The following PCDH11X variants were observed in gnomAD, a reference collection of about 807,000 sequenced individuals.
PCDH11X encodes the protein protocadherin-11 X-linked.
Under a neutral mutation model 53.3 loss-of-function variants are expected in PCDH11X, and 18 were observed. The observed-to-expected ratio is 0.34, with a 90% CI of 0.23 to 0.50. The LOEUF is 0.50. PCDH11X is among the 20% of genes least tolerant of loss of function. The pLI is 0.98. For synonymous variants in PCDH11X, 279 were observed against 393.3 expected (o/e 0.71, Z 3.44); for missense variants, 570 against 1,032.4 (o/e 0.55, Z 6.14).
At chrX:92,574,987 G>T (rs1391314621) in intron 10 of PCDH11X, among the ~76,000 whole-genome samples, 3 of 110,599 alleles carry the variant, frequency 2.7e-5, no homozygotes, top group Non-Finnish European at 3.8e-5. Context: ...TTATATGACT[G>T]TAAAAGTGCG....
chrX:92,265,830 A>G (rs1368433894), intron 8 of PCDH11X, among the ~76,000 whole-genome samples: 1 of 111,971 alleles, frequency 8.9e-6, no homozygotes, highest in Non-Finnish European at 1.9e-5. Context: ...TAAAACAAAT[A>G]CTTTCTTTAT....
At chrX:92,305,241 T>C (rs1269106278) in intron 8 of PCDH11X, among the ~76,000 whole-genome samples, 1 of 110,578 alleles carries the variant, frequency 9.0e-6, no homozygotes. Flanking sequence ...ATAACAGTTA[T>C]GAGAATTACC....
chrX:91,973,634 A>T (rs1216350904), intron 6 of PCDH11X, among the ~76,000 whole-genome samples: 3 of 81,355 alleles, frequency 3.7e-5, no homozygotes, highest in African/African-American at 9.8e-5. Flanking sequence ...TTTTTTTTTG[A>T]GACAGAGTCT....
intron 7 of PCDH11X, among the ~76,000 whole-genome samples, chrX:92,218,469 T>C (rs1391626430): frequency 3.6e-5 from 4 of 110,825 alleles, no homozygotes; most frequent in Non-Finnish European, 5.7e-5. Flanking sequence ...AATTCCTCCA[T>C]ACATACACCC....
chrX:91,851,906 A>G (rs1938038909), intron 5 of PCDH11X, among the ~76,000 whole-genome samples: 1 of 111,564 alleles, frequency 9.0e-6, no homozygotes, highest in Non-Finnish European at 1.9e-5. Flanking sequence ...ATCTAAGTCA[A>G]AAGCTTTGCT....
At chrX:91,953,201 T>G (rs2061663763) in intron 6 of PCDH11X, among the ~76,000 whole-genome samples, 1 of 110,610 alleles carries the variant, frequency 9.0e-6, no homozygotes, top group South Asian at 3.9e-4. Flanking sequence ...ATTGAATTGT[T>G]TGTATCTCAA....
At chrX:91,981,435 T>A (rs976735276) in intron 6 of PCDH11X, among the ~76,000 whole-genome samples, 12 of 110,560 alleles carry the variant, frequency 1.1e-4, no homozygotes, top group Non-Finnish European at 2.1e-4. Context: ...TCTACAATGA[T>A]GCAGTATCTG....
At chrX:92,301,115 C>A (rs1308566801) in intron 8 of PCDH11X, among the ~76,000 whole-genome samples, 5 of 111,178 alleles carry the variant, frequency 4.5e-5, no homozygotes, top group African/African-American at 1.3e-4. Context: ...GGAGAGGGTG[C>A]AGTTGGGCTG....
chrX:92,583,234 G>T (rs1387883840), intron 10 of PCDH11X, among the ~76,000 whole-genome samples: 1 of 105,628 alleles, frequency 9.5e-6, no homozygotes, highest in Non-Finnish European at 1.9e-5. Flanking sequence ...TGAGTAGCTG[G>T]GATTACAGGC....
At chrX:92,569,740 G>T in intron 10 of PCDH11X, 1 of 245,174 alleles carries the variant, frequency 4.1e-6, no homozygotes, top group South Asian at 4.1e-5. Flanking sequence ...TTCATTGGCC[G>T]GGCACAGTGG....
chrX:92,467,900 T>C (rs1459104713), intron 9 of PCDH11X, among the ~76,000 whole-genome samples: 1 of 111,534 alleles, frequency 9.0e-6, no homozygotes, highest in African/African-American at 3.3e-5. Flanking sequence ...TGTCTTTTCT[T>C]GCTCTACACT....
At chrX:92,254,864 G>C (rs941439060) in intron 7 of PCDH11X, among the ~76,000 whole-genome samples, 1 of 107,825 alleles carries the variant, frequency 9.3e-6, no homozygotes, top group Non-Finnish European at 1.9e-5. Context: ...CTCTCTGGCT[G>C]CCCTTAACAT....
rs755925619 is a variant in PCDH11X, at chrX:92,142,364, G to A, written c.3034-59011G>A. Among the ~76,000 whole-genome samples, 116 of 65,932 alleles carry A rather than the reference G, an allele frequency of 1.8e-3. No homozygotes were observed. In the East Asian group the frequency reaches 0.029, roughly 17 times the overall value. 57.3% of individuals were successfully genotyped at this position (65,932 alleles called of 115,157 possible). A position where few individuals can be genotyped will look rare whatever the true frequency, so the allele number is the denominator to read the frequency against. ...AGAGACAGTTGGTCCATGCATGTGC[G>A]CGCGCGCACACACACACACACACAC... On this transcript the variant is annotated intron_variant, in intron 6 of 10. Coordinates refer to ENST00000682573, the MANE Select transcript of PCDH11X (RefSeq NM_032968.5).
At chrX:92,315,990 T>G (rs1240118966) in intron 8 of PCDH11X, among the ~76,000 whole-genome samples, 11 of 70,883 alleles carry the variant, frequency 1.6e-4, no homozygotes, top group Non-Finnish European at 2.5e-4. Context: ...TCAGATGGAC[T>G]TGGCAAATGA....
chrX:91,907,385 A>ACACC, intron 6 of PCDH11X, among the ~76,000 whole-genome samples: 1 of 54,649 alleles, frequency 1.8e-5, no homozygotes, highest in South Asian at 1.3e-3. Context: ...ACACACACAC[A>ACACC]CACACACACA....
intron 7 of PCDH11X, among the ~76,000 whole-genome samples, chrX:92,236,163 C>T (rs73528426): frequency 0.074 from 8,218 of 110,627 alleles, 622 homozygotes; most frequent in African/African-American, 0.23. Context: ...TTTTGAACAT[C>T]GGAAGAACAA....
chrX:92,083,534 A>G (rs1698660858), intron 6 of PCDH11X, among the ~76,000 whole-genome samples: 2 of 111,746 alleles, frequency 1.8e-5, no homozygotes, highest in African/African-American at 3.2e-5. Flanking sequence ...TATTTTAAAT[A>G]TGAGGGGAAT....
chrX:91,787,255 G>A (rs1402716225), intron 1 of PCDH11X, among the ~76,000 whole-genome samples: 3 of 109,176 alleles, frequency 2.7e-5, no homozygotes, highest in Non-Finnish European at 5.7e-5. Context: ...TTATTTTAGG[G>A]GATGTTTGCC....
At chrX:92,324,213 G>A in intron 8 of PCDH11X, among the ~76,000 whole-genome samples, 1 of 108,990 alleles carries the variant, frequency 9.2e-6, no homozygotes, top group Non-Finnish European at 1.9e-5. Flanking sequence ...GACAAGTTAT[G>A]CTCAAGTAAT....
Sources: allele counts gnomAD v4.1 joint callset (sites outside exome capture counted in the v4.1 genomes callset), GRCh38; gene constraint gnomAD v4.1.1; transcripts MANE v1.5; gene names NCBI Gene and HGNC (gene_info 2026-07-23, HGNC 2026-07-21).